Variants in DTNA observed in about 807,000 individuals in gnomAD.
The protein encoded by DTNA is dystrobrevin alpha, also known as dystrophin-related protein 3.
DTNA carries 43 observed loss-of-function variants against 100.7 expected under a neutral mutation model. That is an observed-to-expected ratio of 0.43 (90% CI 0.33 to 0.55). The LOEUF is 0.55. Among genes scored for constraint, DTNA ranks in the 20% least tolerant of loss-of-function variants. DTNA has a pLI of 0.04. For synonymous variants in DTNA, 349 were observed against 347.9 expected, an observed-to-expected ratio of 1.00 and a Z score of -0.04; for missense variants, 798 against 953.9, an observed-to-expected ratio of 0.84 and a Z score of 2.15.
intron 17 of DTNA, among the ~76,000 whole-genome samples, chr18:34,870,475 A>G (rs1235931790): frequency 2.6e-5 from 4 of 152,202 alleles, no homozygotes; most frequent in Non-Finnish European, 5.9e-5. Flanking sequence ...AGAAATGATC[A>G]ACTGCAATAT....
intron 9 of DTNA, among the ~76,000 whole-genome samples, chr18:34,824,529 A>G (rs1352197179): frequency 6.6e-6 from 1 of 152,164 alleles, no homozygotes; most frequent in Non-Finnish European, 1.5e-5. Context: ...CTACGTAACA[A>G]ACCTGCAGGT....
In DTNA at chr18:34,888,498, C is replaced by G; in HGVS notation, c.*764C>G. The stretch of plus-strand genomic sequence containing the variant: ...CTCGAGGTTGTTTTCTTTCAAGATA[C>G]TCTAATCAGCCATAGAATTTAGTGT... On this transcript the variant is annotated 3_prime_UTR_variant, in exon 23 of 23. Transcript: ENST00000444659. The G allele has an allele frequency of 1.0e-6, 1 of 985,768 alleles. No homozygotes were observed. The highest frequency in any genetic ancestry group is 1.2e-6 in the Non-Finnish European group (1 of 829,920). The allele number at this position is 985,768 out of a possible 1,614,324, so 61.1% of individuals were successfully genotyped here.
intron 1 of DTNA, among the ~76,000 whole-genome samples, chr18:34,548,222 T>G (rs2045013895): frequency 6.6e-6 from 1 of 152,090 alleles, no homozygotes; most frequent in African/African-American, 2.4e-5. Flanking sequence ...ATTGAAAAAT[T>G]TTAGGCCTAC....
At chr18:34,826,366 T>C (rs1296059069) in intron 9 of DTNA, among the ~76,000 whole-genome samples, 1 of 152,178 alleles carries the variant, frequency 6.6e-6, no homozygotes, top group Non-Finnish European at 1.5e-5. Flanking sequence ...TGTGATCTTT[T>C]ATCCCTAACC....
At chr18:34,825,133 G>T (rs1372654681) in intron 9 of DTNA, 15 of 1,209,092 alleles carry the variant, frequency 1.2e-5, no homozygotes, top group Non-Finnish European at 1.7e-5. Context: ...TGCCAGTCAT[G>T]AATTAGTCCT....
intron 8 of DTNA, among the ~76,000 whole-genome samples, chr18:34,819,844 A>G (rs112970882): frequency 1.2e-3 from 177 of 152,154 alleles, no homozygotes; most frequent in African/African-American, 3.3e-3. Context: ...AATGAGGACA[A>G]TAGTCACTTC....
chr18:34,681,695 A>AACAC lies in DTNA; in HGVS notation c.-1-74248_-1-74245dup, dbSNP rs71813996. On this transcript the variant is annotated intron_variant, in intron 1 of 19. Coordinates refer to the DTNA transcript ENST00000283365. ...AGTTTTTATATATCCCCCTATACAC[A>AACAC]ACACACACACACACACACACACACA... Among the ~76,000 whole-genome samples the AACAC allele has an allele frequency of 3.8e-3, 544 of 142,992 alleles. 4 individuals carry two copies. Among genetic ancestry groups the AACAC allele is most frequent in the South Asian group, 0.012 (51 of 4,374 alleles). The allele number at this position is 142,992 out of a possible 152,430, so 93.8% of individuals were successfully genotyped here. A position where few individuals can be genotyped will look rare whatever the true frequency, so the allele number is the denominator to read the frequency against.
intron 15 of DTNA, among the ~76,000 whole-genome samples, chr18:34,854,338 G>A (rs1049263944): frequency 6.6e-6 from 1 of 152,218 alleles, no homozygotes; most frequent in Non-Finnish European, 1.5e-5. Context: ...GTCAGAATTG[G>A]AATGTAAAGC....
Position 34,889,841 on chromosome 18 carries a change from A to AGAT in DTNA, c.*2108_*2110dup. 1.0e-6 allele frequency: 1 copy of AGAT among 994,812 alleles called. No homozygotes were observed. 61.6% of individuals were successfully genotyped at this position (994,812 alleles called of 1,614,324 possible). A position where few individuals can be genotyped will look rare whatever the true frequency, so the allele number is the denominator to read the frequency against. Reference sequence around the variant, plus strand: ...GCACAGTTCTCAGATTTCTTTGCACAGATTGATTTTTATTGCGGGTTTTGT... The same window carrying AGAT: ...GCACAGTTCTCAGATTTCTTTGCACAGATGATTGATTTTTATTGCGGGTTTTGT... On this transcript the variant is annotated 3_prime_UTR_variant, in exon 23 of 23. Coordinates refer to ENST00000444659, the MANE Select transcript of DTNA (RefSeq NM_001386795.1).
chr18:34,823,750 C>T (rs1437092034), intron 9 of DTNA, among the ~76,000 whole-genome samples: 1 of 152,204 alleles, frequency 6.6e-6, no homozygotes, highest in Non-Finnish European at 1.5e-5. Flanking sequence ...GTACAAACCA[C>T]ATCTTTGTCA....
chr18:34,656,795 G>A (rs1387942095), intron 1 of DTNA, among the ~76,000 whole-genome samples: 4 of 152,108 alleles, frequency 2.6e-5, no homozygotes, highest in East Asian at 1.9e-4. Flanking sequence ...TAGTAATGCC[G>A]TTATCTAAAA....
chr18:34,853,556 G>T (rs2096511369), intron 15 of DTNA, among the ~76,000 whole-genome samples: 1 of 152,206 alleles, frequency 6.6e-6, no homozygotes, highest in African/African-American at 2.4e-5. Flanking sequence ...AATTAGGATA[G>T]AAATAGCTTC....
In DTNA at chr18:34,838,794, C is replaced by T; in HGVS notation, c.1303C>T (p.Leu435Phe). The stretch of plus-strand genomic sequence containing the variant: ...AGACAGGCTAGCTGATGAACATGTT[C>T]TCATCGGGTTGTATGTCAACATGCT... ...VADRLADEHVLIGLYVNMLRN... is the reference protein window; with the variant it reads ...VADRLADEHVFIGLYVNMLRN... Residue 435 changes from leucine to phenylalanine, a missense_variant, in exon 13 of 23, where the codon CTC becomes TTC. Around this residue, in one of 6 missense-constraint regions of DTNA, gnomAD observed 159 missense variants for 201.2 expected, o/e 0.79. Coordinates refer to ENST00000444659, the MANE Select transcript of DTNA (RefSeq NM_001386795.1). 2 of 1,613,758 alleles carry T rather than the reference C, an allele frequency of 1.2e-6. No individual in the cohort carries two copies. Among genetic ancestry groups the T allele is most frequent in the South Asian group, 2.2e-5 (2 of 91,074 alleles).
At chr18:34,882,454 C>A (rs8095931) in intron 21 of DTNA, among the ~76,000 whole-genome samples, 1 of 151,898 alleles carries the variant, frequency 6.6e-6, no homozygotes, top group Non-Finnish European at 1.5e-5. Context: ...CTGCAACCTC[C>A]GTCTCCCTGA....
chr18:34,678,892 A>G (rs1046618167), intron 1 of DTNA, among the ~76,000 whole-genome samples: 41 of 152,206 alleles, frequency 2.7e-4, no homozygotes, highest in Non-Finnish European at 2.2e-4. Context: ...ACTACACAAC[A>G]TAATTATATG....
chr18:34,497,539 T>C (rs982084930), intron 1 of DTNA, among the ~76,000 whole-genome samples: 3 of 152,332 alleles, frequency 2.0e-5, no homozygotes, highest in African/African-American at 4.8e-5. Context: ...TAGTTTGAGA[T>C]GGTGTTTAAG....
chr18:34,503,797 T>C (rs2040203834), intron 1 of DTNA, among the ~76,000 whole-genome samples: 1 of 151,982 alleles, frequency 6.6e-6, no homozygotes, highest in South Asian at 2.1e-4. Context: ...TCTATATGTA[T>C]AGTGTTTTTA....
chr18:34,501,594 A>C (rs1187346505), intron 1 of DTNA, among the ~76,000 whole-genome samples: 2 of 151,702 alleles, frequency 1.3e-5, no homozygotes, highest in Non-Finnish European at 2.9e-5. Flanking sequence ...GGGCTGGGAG[A>C]TTTCTTCTTT....
At chr18:34,794,286 G>A (rs372924048) in intron 4 of DTNA, 36 bp downstream of exon 4, 121 of 1,612,326 alleles carry the variant, frequency 7.5e-5, no homozygotes, top group East Asian at 1.6e-4. Flanking sequence ...CTCTCTACAT[G>A]TTTGGCTTTC....
Sources: allele counts gnomAD v4.1 joint callset (sites outside exome capture counted in the v4.1 genomes callset), GRCh38; gene constraint gnomAD v4.1.1; regional missense constraint gnomAD v4.1.1; transcripts MANE v1.5; gene names NCBI Gene and HGNC (gene_info 2026-07-23, HGNC 2026-07-21).